The following KIAA1328 variants were observed in gnomAD, a reference collection of about 807,000 sequenced individuals.
KIAA1328 encodes the protein protein hinderin.
A neutral mutation model predicts 68.1 loss-of-function variants in KIAA1328; 52 were observed. The ratio of observed to expected loss-of-function variants is 0.76; its 90% CI spans 0.61 to 0.96. KIAA1328 has a LOEUF of 0.96. Ranked by LOEUF, KIAA1328 falls within the 40% of genes least tolerant of loss-of-function variation. The pLI is 0.00. For missense variants in KIAA1328, 641 were observed against 677.6 expected, an observed-to-expected ratio of 0.95 and a Z score of 0.60; for synonymous variants, 232 against 239.4, an observed-to-expected ratio of 0.97 and a Z score of 0.28.
intron 7 of KIAA1328, among the ~76,000 whole-genome samples, chr18:37,106,671 C>T (rs1223461173): frequency 6.6e-6 from 1 of 152,030 alleles, no homozygotes; most frequent in Non-Finnish European, 1.5e-5. Context: ...CTTGGCCTCC[C>T]AAAGTTCTGG....
intron 5 of KIAA1328, among the ~76,000 whole-genome samples, chr18:36,912,063 AC>A (rs1051580485): frequency 6.6e-6 from 1 of 152,132 alleles, no homozygotes; most frequent in African/African-American, 2.4e-5. Flanking sequence ...AGACCTTGAA[AC>A]ACCCTTTTCC....
At chr18:37,063,067 AG>A (rs1387387237) in intron 6 of KIAA1328, among the ~76,000 whole-genome samples, 3 of 147,810 alleles carry the variant, frequency 2.0e-5, no homozygotes, top group Non-Finnish European at 3.0e-5. Flanking sequence ...TTTAAGTTCT[AG>A]GGTACATGTG....
At chr18:37,202,651 A>C (rs993084939) in intron 9 of KIAA1328, among the ~76,000 whole-genome samples, 15 of 152,224 alleles carry the variant, frequency 9.9e-5, no homozygotes, top group Admixed American at 9.2e-4. Context: ...GGCAAACAAC[A>C]GTTTAATATA....
chr18:36,910,715 G>A (rs1374195181), intron 5 of KIAA1328, among the ~76,000 whole-genome samples: 1 of 152,150 alleles, frequency 6.6e-6, no homozygotes, highest in Non-Finnish European at 1.5e-5. Context: ...ACCTTGGGCA[G>A]TATGGCCATT....
chr18:37,199,788 C>T (rs890712410), intron 9 of KIAA1328, among the ~76,000 whole-genome samples: 3 of 152,140 alleles, frequency 2.0e-5, no homozygotes, highest in Non-Finnish European at 4.4e-5. Context: ...AATTGCCATT[C>T]TGACTGGTAT....
chr18:36,910,988 A>G (rs1598680931), intron 5 of KIAA1328, among the ~76,000 whole-genome samples: 1 of 151,990 alleles, frequency 6.6e-6, no homozygotes, highest in South Asian at 2.1e-4. Context: ...CAGTACCCCA[A>G]AGCTCCCCTT....
intron 9 of KIAA1328, among the ~76,000 whole-genome samples, chr18:37,212,792 C>T (rs2060341821): frequency 6.6e-6 from 1 of 152,176 alleles, no homozygotes; most frequent in African/African-American, 2.4e-5. Context: ...ACAATCTTGG[C>T]TCACTGCAAC....
intron 9 of KIAA1328, among the ~76,000 whole-genome samples, chr18:37,214,891 G>A (rs1469048387): frequency 6.6e-6 from 1 of 152,078 alleles, no homozygotes; most frequent in South Asian, 2.1e-4. Context: ...GTATTCTTAG[G>A]TATTTTATTC....
At chr18:37,060,520 A>G (rs1422875327) in intron 6 of KIAA1328, among the ~76,000 whole-genome samples, 2 of 152,224 alleles carry the variant, frequency 1.3e-5, no homozygotes. Flanking sequence ...ATGCGGAGCA[A>G]CTGGGACTCT....
intron 6 of KIAA1328, among the ~76,000 whole-genome samples, chr18:37,022,535 C>T (rs1017804307): frequency 1.3e-5 from 2 of 152,172 alleles, no homozygotes; most frequent in Admixed American, 6.5e-5. Flanking sequence ...AGTTCCCTTA[C>T]AGAAGGCTGA....
chr18:36,853,148 C>T (rs976928862), intron 4 of KIAA1328, among the ~76,000 whole-genome samples: 1 of 151,924 alleles, frequency 6.6e-6, no homozygotes, highest in African/African-American at 2.4e-5. Flanking sequence ...TAAATTTTTC[C>T]ACCTTTTAAC....
At chr18:37,046,869 A>G (rs1431795336) in intron 6 of KIAA1328, among the ~76,000 whole-genome samples, 1 of 152,206 alleles carries the variant, frequency 6.6e-6, no homozygotes, top group Admixed American at 6.5e-5. Context: ...GGTGGCTCAC[A>G]CAGGTAATCC....
chr18:37,126,788 AC>A (rs1420033082), intron 7 of KIAA1328, among the ~76,000 whole-genome samples: 8 of 152,226 alleles, frequency 5.3e-5, no homozygotes, highest in Admixed American at 1.3e-4. Context: ...AAGTTAACTT[AC>A]CATTTGAAAA....
chr18:36,958,710 A>T (rs1283206209), intron 5 of KIAA1328, among the ~76,000 whole-genome samples: 2 of 152,178 alleles, frequency 1.3e-5, no homozygotes, highest in Non-Finnish European at 2.9e-5. Context: ...GTTTAGTTGT[A>T]CAAGTTGTAT....
chr18:37,173,472 T>TA (rs1276226932), intron 9 of KIAA1328, among the ~76,000 whole-genome samples: 2 of 152,224 alleles, frequency 1.3e-5, no homozygotes, highest in African/African-American at 4.8e-5. Flanking sequence ...ATACCAACAT[T>TA]AACTTAAGAC....
chr18:36,907,924 T>A (rs1035979644), intron 5 of KIAA1328, among the ~76,000 whole-genome samples: 11 of 152,174 alleles, frequency 7.2e-5, no homozygotes, highest in Admixed American at 5.2e-4. Context: ...AACTACAAAT[T>A]CGATTTCTTA....
At chr18:37,104,476 A>G (rs1330785106) in intron 7 of KIAA1328, among the ~76,000 whole-genome samples, 1 of 152,226 alleles carries the variant, frequency 6.6e-6, no homozygotes, top group Non-Finnish European at 1.5e-5. Context: ...GGTAGAGAGT[A>G]GAATGCTAGT....
intron 5 of KIAA1328, among the ~76,000 whole-genome samples, chr18:36,896,608 C>T (rs374466197): frequency 6.6e-6 from 1 of 152,116 alleles, no homozygotes; most frequent in East Asian, 1.9e-4. Context: ...TTTGCTGCAT[C>T]TTTGTTTAAT....
intron 7 of KIAA1328, among the ~76,000 whole-genome samples, chr18:37,121,990 G>A (rs2058284346): frequency 6.6e-6 from 1 of 152,030 alleles, no homozygotes; most frequent in African/African-American, 2.4e-5. Flanking sequence ...CAGACTTACA[G>A]ACATAGTATA....
Sources: gnomAD v4.1 joint callset for allele counts (sites outside exome capture counted in the v4.1 genomes callset) on GRCh38, gnomAD v4.1.1 for gene constraint, MANE v1.5 for transcripts, NCBI Gene and HGNC (gene_info 2026-07-23, HGNC 2026-07-21) for gene names.